CDKN2B-AS1: variants seen among roughly 807,000 people sequenced by gnomAD.
CDKN2B-AS1 encodes the protein CDKN2B antisense RNA 1 (non-protein coding).
intron 1 of CDKN2B-AS1, among the ~76,000 whole-genome samples, chr9:22,010,300 A>G (rs1821433630): frequency 6.6e-6 from 1 of 152,220 alleles, no homozygotes; most frequent in African/African-American, 2.4e-5. Flanking sequence ...TAAAATATTT[A>G]AAACATTTCA....
At chr9:22,102,836 A>G (rs1011209922) in intron 4 of CDKN2B-AS1, among the ~76,000 whole-genome samples, 5 of 152,206 alleles carry the variant, frequency 3.3e-5, no homozygotes, top group Non-Finnish European at 5.9e-5. Context: ...GGGCCTAACA[A>G]GGGTGTGGCC....
chr9:22,073,122 A>G (rs1824362828), intron 4 of CDKN2B-AS1, among the ~76,000 whole-genome samples: 1 of 152,174 alleles, frequency 6.6e-6, no homozygotes, highest in African/African-American at 2.4e-5. Flanking sequence ...TTCTATGAGA[A>G]TAATACTGCC....
intron 4 of CDKN2B-AS1, among the ~76,000 whole-genome samples, chr9:22,110,944 TAA>T (rs1563987942): frequency 6.6e-6 from 1 of 152,154 alleles, no homozygotes; most frequent in African/African-American, 2.4e-5. Flanking sequence ...ATGAATTTTC[TAA>T]GACTTGATTA....
intron 4 of CDKN2B-AS1, among the ~76,000 whole-genome samples, chr9:22,109,078 T>C (rs1269128834): frequency 6.6e-6 from 1 of 152,192 alleles, no homozygotes; most frequent in Non-Finnish European, 1.5e-5. Flanking sequence ...CTTTCAGCAA[T>C]TTAACATTTT....
intron 4 of CDKN2B-AS1, among the ~76,000 whole-genome samples, chr9:22,092,993 G>T (rs1212959360): frequency 6.6e-6 from 1 of 152,090 alleles, no homozygotes; most frequent in African/African-American, 2.4e-5. Flanking sequence ...ACACTGCTTT[G>T]AATGTGTCCC....
At chr9:22,079,550 G>A (rs936123914) in intron 4 of CDKN2B-AS1, among the ~76,000 whole-genome samples, 3 of 151,802 alleles carry the variant, frequency 2.0e-5, no homozygotes, top group Admixed American at 6.6e-5. Flanking sequence ...AAAGCTGAAG[G>A]GTGTGCTGGG....
chr9:22,064,556 T>A (rs1563957615), intron 4 of CDKN2B-AS1, among the ~76,000 whole-genome samples: 1 of 152,214 alleles, frequency 6.6e-6, no homozygotes, highest in Non-Finnish European at 1.5e-5. Context: ...AATGGAAACC[T>A]TAATTGGAAT....
intron 1 of CDKN2B-AS1, among the ~76,000 whole-genome samples, chr9:22,019,175 C>G (rs1205671917): frequency 6.6e-6 from 1 of 152,130 alleles, no homozygotes; most frequent in Non-Finnish European, 1.5e-5. Context: ...TGTTGTAGAG[C>G]TGTATAGGCC....
intron 4 of CDKN2B-AS1, among the ~76,000 whole-genome samples, chr9:22,115,497 G>T (rs1337411162): frequency 6.6e-6 from 1 of 152,136 alleles, no homozygotes; most frequent in African/African-American, 2.4e-5. Flanking sequence ...TGATTCCGAA[G>T]AGAAACCTGA....
At chr9:22,096,874 C>T (rs879773970) in intron 4 of CDKN2B-AS1, among the ~76,000 whole-genome samples, 1 of 152,168 alleles carries the variant, frequency 6.6e-6, no homozygotes, top group Non-Finnish European at 1.5e-5. Context: ...TGCTTGCCTT[C>T]GTAACCCTCC....
At chr9:22,099,777 G>A (rs1312385092) in intron 4 of CDKN2B-AS1, among the ~76,000 whole-genome samples, 1 of 152,136 alleles carries the variant, frequency 6.6e-6, no homozygotes, top group Non-Finnish European at 1.5e-5. Flanking sequence ...TACATATTCA[G>A]TATGCCACAA....
chr9:22,102,098 A>G (rs1204303039), intron 4 of CDKN2B-AS1, among the ~76,000 whole-genome samples: 3 of 152,204 alleles, frequency 2.0e-5, no homozygotes, highest in African/African-American at 7.2e-5. Context: ...AATTTAAGAT[A>G]AAAATTTGAT....
rs184443848 is a variant in CDKN2B-AS1, at chr9:22,028,506, A to C, written n.30-18245A>C. 1.9e-4 allele frequency among the ~76,000 whole-genome samples: 29 copies of C among 152,304 alleles called. 2 individuals are homozygous for C. The East Asian group carries it at 5.4e-3, about 28-fold the overall frequency. On this transcript the variant is annotated intron_variant and non_coding_transcript_variant, in intron 1 of 4. Transcript: ENST00000650946. ...CTTTAAAAAAAGAATCATAAACTTCAGTATCATCATGATGGCAGTTTTAGG... is the reference window on the plus strand; with the variant it reads ...CTTTAAAAAAAGAATCATAAACTTCCGTATCATCATGATGGCAGTTTTAGG...
At chr9:22,082,559 C>G (rs1227567142) in intron 4 of CDKN2B-AS1, among the ~76,000 whole-genome samples, 1 of 152,164 alleles carries the variant, frequency 6.6e-6, no homozygotes, top group Non-Finnish European at 1.5e-5. Flanking sequence ...ATAAACGTAT[C>G]ATGATTTTGA....
Position 22,021,915 on chromosome 9 carries a change from C to T in CDKN2B-AS1, n.30-24836C>T, listed in dbSNP as rs189761844. Among the ~76,000 whole-genome samples the T allele has an allele frequency of 1.6e-3, 249 of 152,200 alleles. 1 individual carries two copies. Among genetic ancestry groups the T allele is most frequent in the Middle Eastern group, 3.4e-3 (1 of 294 alleles). Reference sequence around the variant, plus strand: ...TTCTGCCTTAATTTGATTGTTTACCCAAAAGTCATTCAGGAGCAGGCGTTT... The same window carrying T: ...TTCTGCCTTAATTTGATTGTTTACCTAAAAGTCATTCAGGAGCAGGCGTTT... On this transcript the variant is annotated intron_variant and non_coding_transcript_variant, in intron 1 of 4. Transcript: ENST00000650946.
intron 1 of CDKN2B-AS1, among the ~76,000 whole-genome samples, chr9:22,036,691 A>T (rs1455217051): frequency 6.6e-6 from 1 of 152,100 alleles, no homozygotes; most frequent in East Asian, 1.9e-4. Flanking sequence ...TCCATTTAAC[A>T]GGTGGTGTTT....
At chr9:22,069,213 G>T (rs1030596091) in intron 4 of CDKN2B-AS1, among the ~76,000 whole-genome samples, 1 of 152,116 alleles carries the variant, frequency 6.6e-6, no homozygotes, top group African/African-American at 2.4e-5. Context: ...AAAGTTTTGC[G>T]CCTGGCACTC....
chr9:22,060,352 G>A lies in CDKN2B-AS1; in HGVS notation n.438+3965G>A, dbSNP rs537523441. On this transcript the variant is annotated intron_variant and non_coding_transcript_variant, in intron 4 of 4. Transcript: ENST00000650946. ...AAGTTCCACAAATCTCTAGGGCAGA[G>A]GCAAAATGCCACCAGTCTCTTTGCT... Among the ~76,000 whole-genome samples, 5 of 152,298 alleles carry A rather than the reference G, an allele frequency of 3.3e-5. 1 individual carries two copies. The highest frequency in any genetic ancestry group is 7.2e-5 in the African/African-American group (3 of 41,572).
At chr9:22,078,072 C>G (rs1824564171) in intron 4 of CDKN2B-AS1, among the ~76,000 whole-genome samples, 1 of 152,114 alleles carries the variant, frequency 6.6e-6, no homozygotes, top group East Asian at 1.9e-4. Context: ...ATGACTTCAA[C>G]TTTACTATCC....
Sources: allele counts gnomAD v4.1 joint callset (sites outside exome capture counted in the v4.1 genomes callset), GRCh38; gene constraint gnomAD v4.1.1; transcripts MANE v1.5; gene names NCBI Gene and HGNC (gene_info 2026-07-23, HGNC 2026-07-21).